Variants in GPATCH8 observed in about 807,000 individuals in gnomAD.
GPATCH8 encodes G-patch domain containing 8, also known as G patch domain-containing protein 8.
In GPATCH8, 18 loss-of-function variants were observed where a neutral mutation model predicts 118.3. The observed-to-expected ratio is 0.15, with a 90% confidence interval of 0.11 to 0.23. The LOEUF (loss-of-function observed/expected upper bound fraction) is 0.23. GPATCH8 is among the 10% of genes least tolerant of loss of function. The pLI, the probability that GPATCH8 is intolerant of heterozygous loss-of-function variation, is 1.00. For missense variants in GPATCH8, 1,631 were observed against 1,873.8 expected (o/e 0.87, Z 2.39); for synonymous variants, 659 against 684.7 (o/e 0.96, Z 0.59).
intron 2 of GPATCH8, among the ~76,000 whole-genome samples, chr17:44,469,367 G>T (rs1029970980): frequency 6.6e-6 from 1 of 152,124 alleles, no homozygotes; most frequent in Non-Finnish European, 1.5e-5. Context: ...TAGTAACAAT[G>T]ATCATTTTGG....
At position 44,492,615 on chromosome 17, in the gene GPATCH8, A is replaced by G. The variant is rs75786147; in HGVS notation, c.45+10711T>C. The stretch of plus-strand genomic sequence containing the variant: ...GGACAAAAAAAAAAGAGGGGGAGAT[A>G]CCACCACCTAGTTTGGAGAGTTACT... On this transcript the variant is annotated intron_variant, in intron 1 of 7. Coordinates refer to ENST00000591680, the MANE Select transcript of GPATCH8 (RefSeq NM_001002909.4). Among the ~76,000 whole-genome samples the G allele has an allele frequency of 4.2e-3, 637 of 152,128 alleles. 8 individuals are homozygous for G. Among genetic ancestry groups the G allele is most frequent in the African/African-American group, 0.014 (585 of 41,508 alleles).
intron 1 of GPATCH8, among the ~76,000 whole-genome samples, chr17:44,498,282 A>C (rs1300037943): frequency 5.3e-5 from 8 of 152,202 alleles, no homozygotes; most frequent in East Asian, 1.9e-4. Context: ...AATACTCGGC[A>C]TAATACTCTA....
chr17:44,456,622 A>G (rs530808433), intron 3 of GPATCH8, among the ~76,000 whole-genome samples: 10 of 147,890 alleles, frequency 6.8e-5, no homozygotes, highest in Non-Finnish European at 1.1e-4. Flanking sequence ...TCTCCAATGG[A>G]AAAAAAAAAA....
rs375646561 is a variant in GPATCH8, at chr17:44,406,100, T to G, written c.493-49A>C. 91 of 1,432,740 alleles carry G rather than the reference T, an allele frequency of 6.4e-5. No individual in the cohort carries two copies. In the African/African-American group the frequency reaches 9.8e-4, roughly 15 times the overall value. The allele number at this position is 1,432,740 out of a possible 1,614,324, so 88.8% of individuals were successfully genotyped here. ...CAGAGGGTGGATGATTTACAGTAACTTGGGAATCAGAAAGCAAAGCCTTTA... is the reference window on the plus strand; with the variant it reads ...CAGAGGGTGGATGATTTACAGTAACGTGGGAATCAGAAAGCAAAGCCTTTA... On this transcript the variant is annotated intron_variant, in intron 6 of 7. Transcript: ENST00000591680.
At chr17:44,429,896 G>T (rs1345089041) in intron 5 of GPATCH8, among the ~76,000 whole-genome samples, 4 of 152,000 alleles carry the variant, frequency 2.6e-5, no homozygotes, top group Non-Finnish European at 5.9e-5. Context: ...GGACGTGGTG[G>T]CGCACGCCTG....
chr17:44,498,771 G>C (rs1057264359), intron 1 of GPATCH8, among the ~76,000 whole-genome samples: 2 of 152,106 alleles, frequency 1.3e-5, no homozygotes, highest in African/African-American at 4.8e-5. Context: ...ACGGGAGCGA[G>C]ACATAGGAAA....
intron 6 of GPATCH8, among the ~76,000 whole-genome samples, chr17:44,411,346 C>T (rs1025154575): frequency 1.3e-5 from 2 of 152,132 alleles, no homozygotes; most frequent in Non-Finnish European, 2.9e-5. Flanking sequence ...TGTTCTCTAA[C>T]AACAAAAGAT....
chr17:44,484,082 C>T (rs1217115070), intron 1 of GPATCH8, among the ~76,000 whole-genome samples: 3 of 152,048 alleles, frequency 2.0e-5, no homozygotes, highest in Non-Finnish European at 4.4e-5. Context: ...CTTCGTGATC[C>T]GCCCGCCTCG....
rs2048830149 is a variant in GPATCH8, at chr17:44,397,736, G to A, written c.4341C>T (p.Ile1447=). The A allele has an allele frequency of 1.3e-6, 2 of 1,597,382 alleles. No individual in the cohort carries two copies. The highest frequency in any genetic ancestry group is 1.3e-5 in the African/African-American group (1 of 74,680). ...GGTGAAAGGTGAAGGGCCCAGGATGGATGGCTGAGGCGGGAATGATGTGGA... is the reference window on the plus strand; with the variant it reads ...GGTGAAAGGTGAAGGGCCCAGGATGAATGGCTGAGGCGGGAATGATGTGGA... ...HPIHIIPASA[I]HPGPFTFHPV... The change falls in exon 8 of 8, where the codon ATC becomes ATT. Residue 1447 remains isoleucine, a synonymous_variant. Transcript: ENST00000591680.
intron 5 of GPATCH8, among the ~76,000 whole-genome samples, chr17:44,434,161 AAAATAAAT>A (rs1008384138): frequency 1.3e-5 from 2 of 151,038 alleles, no homozygotes; most frequent in Non-Finnish European, 2.9e-5. Context: ...TAATAATAAT[AAAATAAAT>A]AAATAAATAA....
intron 5 of GPATCH8, among the ~76,000 whole-genome samples, chr17:44,433,929 A>G (rs1049476645): frequency 6.6e-6 from 1 of 152,032 alleles, no homozygotes; most frequent in Non-Finnish European, 1.5e-5. Flanking sequence ...ACGTGAGGTA[A>G]GGAGTTCGAG....
chr17:44,417,411 G>GT (rs1413247000), intron 6 of GPATCH8, among the ~76,000 whole-genome samples: 2 of 152,152 alleles, frequency 1.3e-5, no homozygotes, highest in African/African-American at 4.8e-5. Context: ...TAGAGACCGG[G>GT]TTTTGCCATG....
rs111303832 is a variant in GPATCH8, at chr17:44,488,851, C to A, written c.46-13948G>T. Among the ~76,000 whole-genome samples the A allele has an allele frequency of 5.5e-3, 841 of 151,570 alleles. 13 individuals carry two copies. The highest frequency in any genetic ancestry group is 0.02 in the African/African-American group (811 of 41,380). ...CCTGTAATCCCAGCACTTCATGAGG[C>A]CGAGGCGGGTGGATCACCTGAGGTC... On this transcript the variant is annotated intron_variant, in intron 1 of 7. Coordinates refer to ENST00000591680, the MANE Select transcript of GPATCH8 (RefSeq NM_001002909.4).
chr17:44,400,365 G>C lies in GPATCH8; in HGVS notation c.1712C>G (p.Pro571Arg). ...TGAAAGTTTAAAGTCAAAATATAAA[G>C]GGTTACAACTGTATGAAATGGAGGG... Reference protein sequence around the residue: ...AEPSISYSCNPLYFDFKLSRN... With the variant: ...AEPSISYSCNRLYFDFKLSRN... The change falls in exon 8 of 8, where the codon CCT becomes CGT. Residue 571 changes from proline (P) to arginine (R), a missense_variant. This residue lies in a region of GPATCH8 where 405 missense variants were observed against 462.7 expected (regional missense o/e 0.88). Coordinates refer to ENST00000591680, the MANE Select transcript of GPATCH8 (RefSeq NM_001002909.4). The C allele has an allele frequency of 6.2e-7, 1 of 1,613,914 alleles. No individual in the cohort carries two copies. Among genetic ancestry groups the C allele is most frequent in the Non-Finnish European group, 8.5e-7 (1 of 1,179,842 alleles).
chr17:44,412,689 T>C (rs998596200), intron 6 of GPATCH8, among the ~76,000 whole-genome samples: 1 of 152,142 alleles, frequency 6.6e-6, no homozygotes, highest in Non-Finnish European at 1.5e-5. Context: ...CAGCTGAACC[T>C]GTCTTTAAAA....
At chr17:44,494,657 C>T (rs1969528585) in intron 1 of GPATCH8, among the ~76,000 whole-genome samples, 1 of 152,168 alleles carries the variant, frequency 6.6e-6, no homozygotes, top group Non-Finnish European at 1.5e-5. Context: ...CCCTCTACTC[C>T]TTTGCTCCTA....
intron 3 of GPATCH8, among the ~76,000 whole-genome samples, chr17:44,457,178 T>C (rs557074379): frequency 1.3e-4 from 20 of 152,248 alleles, no homozygotes; most frequent in African/African-American, 4.6e-4. Flanking sequence ...TTTAAAAATA[T>C]AGTAAAATGC....
At chr17:44,458,739 G>T (rs1460332408) in intron 3 of GPATCH8, among the ~76,000 whole-genome samples, 1 of 152,052 alleles carries the variant, frequency 6.6e-6, no homozygotes, top group Non-Finnish European at 1.5e-5. Flanking sequence ...GCCCAAGCTG[G>T]TCTTGAACCC....
At chr17:44,405,303 G>T (rs1410616268) in intron 7 of GPATCH8, among the ~76,000 whole-genome samples, 4 of 151,524 alleles carry the variant, frequency 2.6e-5, no homozygotes, top group Non-Finnish European at 5.9e-5. Flanking sequence ...CCGCCTCCCA[G>T]GTTCAAGCGA....
Sources: gnomAD v4.1 joint callset for allele counts (sites outside exome capture counted in the v4.1 genomes callset) on GRCh38, gnomAD v4.1.1 for gene constraint, gnomAD v4.1.1 regional missense constraint, MANE v1.5 for transcripts, NCBI Gene and HGNC (gene_info 2026-07-23, HGNC 2026-07-21) for gene names.